Variants in EPHA6 observed in about 807,000 individuals in gnomAD.
EPHA6 encodes ephrin type-A receptor 6.
In EPHA6, 50 loss-of-function variants were observed where a neutral mutation model predicts 112.0. That is an observed-to-expected ratio of 0.45 (90% CI 0.36 to 0.56). The LOEUF is 0.56. EPHA6 is among the 20% of genes least tolerant of loss of function. The probability of loss-of-function intolerance (pLI) is 0.00; values close to 1 mark genes in which losing one functional copy is unlikely to be tolerated. For synonymous variants in EPHA6, 529 were observed against 490.7 expected, an observed-to-expected ratio of 1.08 and a Z score of -1.03; for missense variants, 1,280 against 1,417.4, an observed-to-expected ratio of 0.90 and a Z score of 1.56.
In EPHA6 at chr3:97,740,462, C is replaced by T. The variant is rs1430759572; in HGVS notation, c.3128+4344C>T. Reference sequence around the variant, plus strand: ...CCTCAGAAATAATGCTTTGCCTAGGCCAAGACACCTTATGTACTGTATATT... The same window carrying T: ...CCTCAGAAATAATGCTTTGCCTAGGTCAAGACACCTTATGTACTGTATATT... On this transcript the variant is annotated intron_variant, in intron 16 of 17. Coordinates refer to ENST00000389672, the MANE Select transcript of EPHA6 (RefSeq NM_001080448.3). 2.0e-5 allele frequency among the ~76,000 whole-genome samples: 3 copies of T among 152,096 alleles called. No homozygotes were observed. The East Asian group carries it at 5.8e-4, about 29-fold the overall frequency.
chr3:97,542,965 G>C (rs1232794516), intron 11 of EPHA6, among the ~76,000 whole-genome samples: 1 of 152,072 alleles, frequency 6.6e-6, no homozygotes, highest in Non-Finnish European at 1.5e-5. Flanking sequence ...TTGTAAATTT[G>C]TTTGAGTTCA....
At chr3:97,075,969 A>G (rs191403235) in intron 3 of EPHA6, among the ~76,000 whole-genome samples, 2 of 151,986 alleles carry the variant, frequency 1.3e-5, no homozygotes, top group South Asian at 2.1e-4. Context: ...TCTACCATCT[A>G]TCTGGCTGTT....
At chr3:97,048,212 T>C (rs1010190138) in intron 3 of EPHA6, among the ~76,000 whole-genome samples, 17 of 152,190 alleles carry the variant, frequency 1.1e-4, no homozygotes, top group Admixed American at 1.1e-3. Context: ...ATGCTAAGGC[T>C]GAATCTTTTG....
chr3:97,367,802 T>TAAATAA (rs2084824146), intron 5 of EPHA6, among the ~76,000 whole-genome samples: 1 of 152,100 alleles, frequency 6.6e-6, no homozygotes, highest in African/African-American at 2.4e-5. Flanking sequence ...CCAGAATATC[T>TAAATAA]ATATTAAATA....
intron 3 of EPHA6, among the ~76,000 whole-genome samples, chr3:97,105,864 G>A (rs1179971257): frequency 1.3e-5 from 2 of 152,110 alleles, no homozygotes; most frequent in African/African-American, 4.8e-5. Flanking sequence ...ATTTAGGATA[G>A]TTAAGTCTTG....
chr3:96,829,938 T>TGCGCGCGCGCGCGC (rs368535487), intron 1 of EPHA6, among the ~76,000 whole-genome samples: 18 of 120,266 alleles, frequency 1.5e-4, no homozygotes, highest in African/African-American at 5.0e-4. Flanking sequence ...CACGTGCATG[T>TGCGCGCGCGCGCGC]GCGCGCGCGC....
intron 15 of EPHA6, among the ~76,000 whole-genome samples, chr3:97,729,710 C>CT (rs5851077): frequency 0.97 from 147,024 of 150,984 alleles, 71,593 homozygotes; most frequent in East Asian, 0.99. Flanking sequence ...TTTTCTTTTT[C>CT]TTTTTTTTTG....
At chr3:96,977,519 G>C (rs1449127782) in intron 2 of EPHA6, among the ~76,000 whole-genome samples, 3 of 152,098 alleles carry the variant, frequency 2.0e-5, no homozygotes, top group Non-Finnish European at 4.4e-5. Context: ...ATTTATACAA[G>C]TAACAAAAGA....
At chr3:97,134,376 G>T (rs2075716771) in intron 3 of EPHA6, among the ~76,000 whole-genome samples, 1 of 152,044 alleles carries the variant, frequency 6.6e-6, no homozygotes, top group Non-Finnish European at 1.5e-5. Flanking sequence ...TGATATCTAT[G>T]ACCCACACTC....
At chr3:96,946,623 C>T (rs561563992) in intron 2 of EPHA6, among the ~76,000 whole-genome samples, 15 of 152,146 alleles carry the variant, frequency 9.9e-5, no homozygotes, top group African/African-American at 2.7e-4. Flanking sequence ...TGAATAGTGC[C>T]GCAATAAACA....
intron 14 of EPHA6, among the ~76,000 whole-genome samples, chr3:97,694,387 C>A (rs2032884455): frequency 6.6e-6 from 1 of 152,116 alleles, no homozygotes; most frequent in Non-Finnish European, 1.5e-5. Context: ...CAGGCACCAG[C>A]CACCATGGCC....
chr3:97,704,322 T>C (rs2033560521), intron 14 of EPHA6, among the ~76,000 whole-genome samples: 1 of 152,168 alleles, frequency 6.6e-6, no homozygotes, highest in Non-Finnish European at 1.5e-5. Context: ...GATGGGTGGG[T>C]ATCACCCAAT....
chr3:97,360,902 C>T (rs766494353), intron 5 of EPHA6, among the ~76,000 whole-genome samples: 5 of 152,126 alleles, frequency 3.3e-5, no homozygotes, highest in South Asian at 2.1e-4. Flanking sequence ...CAGCTACTGT[C>T]GACCCTAAAG....
intron 2 of EPHA6, among the ~76,000 whole-genome samples, chr3:96,895,462 AAAATT>A (rs2038216435): frequency 6.6e-6 from 1 of 152,132 alleles, no homozygotes. Flanking sequence ...GAGAAAGAAA[AAAATT>A]AAAATAAATT....
chr3:97,678,783 A>C (rs1386359430), intron 14 of EPHA6, among the ~76,000 whole-genome samples: 2 of 152,238 alleles, frequency 1.3e-5, no homozygotes, highest in Admixed American at 6.5e-5. Context: ...TATGAATAAT[A>C]CAAGCCCTGA....
At chr3:97,017,754 C>T (rs1254347490) in intron 3 of EPHA6, among the ~76,000 whole-genome samples, 1 of 152,030 alleles carries the variant, frequency 6.6e-6, no homozygotes, top group Non-Finnish European at 1.5e-5. Flanking sequence ...TTGTTAAATG[C>T]CTTTAGGTGG....
At chr3:97,327,208 C>A (rs1175014264) in intron 5 of EPHA6, among the ~76,000 whole-genome samples, 1 of 152,010 alleles carries the variant, frequency 6.6e-6, no homozygotes, top group Non-Finnish European at 1.5e-5. Flanking sequence ...ATAATGCAAG[C>A]AACCATCTCT....
chr3:97,696,837 C>T (rs1228956603), intron 14 of EPHA6, among the ~76,000 whole-genome samples: 1 of 152,122 alleles, frequency 6.6e-6, no homozygotes, highest in African/African-American at 2.4e-5. Context: ...CTAATTTACC[C>T]ACTGTGACAA....
intron 12 of EPHA6, among the ~76,000 whole-genome samples, chr3:97,599,093 G>A (rs1305209611): frequency 6.6e-6 from 1 of 152,070 alleles, no homozygotes; most frequent in Admixed American, 6.5e-5. Flanking sequence ...CATGTCCTTT[G>A]CCCACTTTTT....
Sources: allele counts gnomAD v4.1 joint callset (sites outside exome capture counted in the v4.1 genomes callset), GRCh38; gene constraint gnomAD v4.1.1; transcripts MANE v1.5; gene names NCBI Gene and HGNC (gene_info 2026-07-23, HGNC 2026-07-21).